Variants in HRH1 observed in about 807,000 individuals in gnomAD.
The protein encoded by HRH1 is histamine H1 receptor.
Under a neutral mutation model 10.3 loss-of-function variants are expected in HRH1, and 6 were observed. The observed-to-expected ratio is 0.58, with a 90% CI of 0.32 to 1.15. The LOEUF (loss-of-function observed/expected upper bound fraction) is 1.15, where lower values mean the gene tolerates loss of function less well. Among genes scored for constraint, HRH1 ranks in the 50% most tolerant of loss-of-function variants. HRH1 has a pLI of 0.05. For synonymous variants in HRH1, 242 were observed against 236.7 expected (o/e 1.02, Z -0.21); for missense variants, 514 against 615.3 (o/e 0.84, Z 1.74).
At chr3:11,170,395 G>A (rs1937128966) in intron 1 of HRH1, among the ~76,000 whole-genome samples, 2 of 152,244 alleles carry the variant, frequency 1.3e-5, no homozygotes, top group African/African-American at 2.4e-5. Context: ...CTTTGGATAA[G>A]CTCGCCACAT....
intron 1 of HRH1, among the ~76,000 whole-genome samples, chr3:11,165,063 A>G (rs112725197): frequency 7.2e-5 from 11 of 152,356 alleles, no homozygotes; most frequent in African/African-American, 2.6e-4. Context: ...CAGTAACAAC[A>G]AAGCAGAATG....
chr3:11,198,050 C>T (rs1035589734), intron 1 of HRH1, among the ~76,000 whole-genome samples: 2 of 152,098 alleles, frequency 1.3e-5, no homozygotes, highest in South Asian at 4.1e-4. Flanking sequence ...TCTCCCTGGG[C>T]CCTCATTACT....
intron 1 of HRH1, among the ~76,000 whole-genome samples, chr3:11,258,194 G>C (rs1939833935): frequency 7.1e-6 from 1 of 140,086 alleles, no homozygotes; most frequent in African/African-American, 2.8e-5. Flanking sequence ...ATATCATTTA[G>C]GGATGGTCTC....
chr3:11,254,325 A>G (rs929859905), intron 1 of HRH1, among the ~76,000 whole-genome samples: 3 of 152,168 alleles, frequency 2.0e-5, no homozygotes, highest in African/African-American at 7.2e-5. Context: ...CCCTCTTAGC[A>G]TAGGCAGGTT....
intron 1 of HRH1, among the ~76,000 whole-genome samples, chr3:11,217,476 C>A (rs938989206): frequency 6.6e-6 from 1 of 152,098 alleles, no homozygotes; most frequent in Non-Finnish European, 1.5e-5. Flanking sequence ...TTGCAGTGAG[C>A]CGAGATGGCG....
intron 1 of HRH1, among the ~76,000 whole-genome samples, chr3:11,206,378 G>A (rs1290452576): frequency 1.3e-5 from 2 of 151,970 alleles, no homozygotes; most frequent in Non-Finnish European, 2.9e-5. Context: ...TCGGCCTTCC[G>A]AAGTGCTGGG....
intron 1 of HRH1, among the ~76,000 whole-genome samples, chr3:11,176,552 G>A (rs1937253086): frequency 6.6e-6 from 1 of 152,156 alleles, no homozygotes; most frequent in African/African-American, 2.4e-5. Context: ...GAACTCCAGG[G>A]CTCTGCCTAC....
intron 1 of HRH1, among the ~76,000 whole-genome samples, chr3:11,139,945 A>G (rs1936259658): frequency 6.6e-6 from 1 of 152,224 alleles, no homozygotes; most frequent in Non-Finnish European, 1.5e-5. Flanking sequence ...TGAACTTTAT[A>G]CTTTAAAGTG....
chr3:11,245,921 A>ACACT (rs1559284236), intron 1 of HRH1, among the ~76,000 whole-genome samples: 1 of 151,980 alleles, frequency 6.6e-6, no homozygotes, highest in Non-Finnish European at 1.5e-5. Flanking sequence ...ACACTCTTAG[A>ACACT]CACTCACACA....
intron 1 of HRH1, among the ~76,000 whole-genome samples, chr3:11,199,238 G>T (rs900569731): frequency 6.6e-6 from 1 of 152,072 alleles, no homozygotes; most frequent in South Asian, 2.1e-4. Flanking sequence ...ATAGTTCAGG[G>T]ATAGAGAGGT....
intron 1 of HRH1, among the ~76,000 whole-genome samples, chr3:11,189,438 A>T (rs1320600991): frequency 6.6e-6 from 1 of 152,212 alleles, no homozygotes; most frequent in Non-Finnish European, 1.5e-5. Flanking sequence ...TGCAGGGGAC[A>T]TCATTAGTCC....
At chr3:11,203,029 C>A (rs771692213) in intron 1 of HRH1, among the ~76,000 whole-genome samples, 5 of 152,190 alleles carry the variant, frequency 3.3e-5, no homozygotes, top group Admixed American at 6.5e-5. Context: ...AGATGGGCTT[C>A]TTTCACTTAA....
chr3:11,165,897 G>A (rs964917431), intron 1 of HRH1, among the ~76,000 whole-genome samples: 3 of 152,176 alleles, frequency 2.0e-5, no homozygotes, highest in African/African-American at 4.8e-5. Flanking sequence ...CACCTAACAC[G>A]GAGTAAGGGA....
intron 1 of HRH1, among the ~76,000 whole-genome samples, chr3:11,223,793 G>A (rs972276484): frequency 2.6e-5 from 4 of 152,250 alleles, no homozygotes; most frequent in Non-Finnish European, 5.9e-5. Context: ...TTGTTTAACA[G>A]AGGAGGCCTG....
intron 1 of HRH1, among the ~76,000 whole-genome samples, chr3:11,179,245 G>C (rs140609946): frequency 6.6e-6 from 1 of 151,930 alleles, no homozygotes; most frequent in African/African-American, 2.4e-5. Flanking sequence ...CCAAGATCGC[G>C]CCACTGCACT....
intron 1 of HRH1, among the ~76,000 whole-genome samples, chr3:11,240,668 C>A (rs1939309574): frequency 6.6e-6 from 1 of 152,066 alleles, no homozygotes; most frequent in Non-Finnish European, 1.5e-5. Context: ...GATTCTAAGT[C>A]AGTTAGGTTC....
At chr3:11,196,507 G>A (rs1937656560) in intron 1 of HRH1, among the ~76,000 whole-genome samples, 2 of 152,022 alleles carry the variant, frequency 1.3e-5, no homozygotes, top group African/African-American at 4.8e-5. Flanking sequence ...CCAGGTTCAA[G>A]CAATTCTCCT....
intron 1 of HRH1, among the ~76,000 whole-genome samples, chr3:11,175,033 G>T (rs891200532): frequency 6.6e-6 from 1 of 152,310 alleles, no homozygotes; most frequent in Admixed American, 6.5e-5. Flanking sequence ...CCCCATCAGT[G>T]TTTGGTGATA....
intron 1 of HRH1, among the ~76,000 whole-genome samples, chr3:11,198,751 A>C (rs1267736284): frequency 1.3e-5 from 2 of 151,610 alleles, no homozygotes; most frequent in Non-Finnish European, 1.5e-5. Context: ...AAAAAAAAAA[A>C]ATGGGCGGAC....
Sources: allele counts gnomAD v4.1 joint callset (sites outside exome capture counted in the v4.1 genomes callset), GRCh38; gene constraint gnomAD v4.1.1; transcripts MANE v1.5; gene names NCBI Gene and HGNC (gene_info 2026-07-23, HGNC 2026-07-21).